JADE3: variants seen among roughly 807,000 people sequenced by gnomAD.
JADE3 encodes protein Jade-3.
A neutral mutation model predicts 50.1 loss-of-function variants in JADE3; 2 were observed. The observed-to-expected ratio is 0.04, with a 90% confidence interval of 0.02 to 0.13. The LOEUF is 0.13. Ranked by LOEUF, JADE3 falls within the 10% of genes least tolerant of loss-of-function variation. JADE3 has a pLI of 1.00. For synonymous variants in JADE3, 218 were observed against 232.9 expected, an observed-to-expected ratio of 0.94 and a Z score of 0.58; for missense variants, 475 against 634.4, an observed-to-expected ratio of 0.75 and a Z score of 2.70.
At chrX:47,003,370 C>G (rs1279579235) in intron 4 of JADE3, among the ~76,000 whole-genome samples, 2 of 109,432 alleles carry the variant, frequency 1.8e-5, no homozygotes, top group African/African-American at 6.6e-5. Flanking sequence ...TTAATTACCT[C>G]CTGTAGGCCT....
At chrX:46,985,097 A>G (rs904353495) in intron 2 of JADE3, among the ~76,000 whole-genome samples, 157 bp downstream of exon 2, 1 of 112,096 alleles carries the variant, frequency 8.9e-6, no homozygotes, top group African/African-American at 3.2e-5. Flanking sequence ...TTTAAATTTC[A>G]TTAGAGATAG....
At chrX:46,952,035 A>T (rs1470192815) in intron 1 of JADE3, among the ~76,000 whole-genome samples, 1 of 111,377 alleles carries the variant, frequency 9.0e-6, no homozygotes, top group Non-Finnish European at 1.9e-5. Context: ...GGTAGCTGAA[A>T]CTATAGGTGC....
At chrX:46,925,264 T>C (rs1380988526) in intron 1 of JADE3, among the ~76,000 whole-genome samples, 2 of 112,389 alleles carry the variant, frequency 1.8e-5, no homozygotes, top group African/African-American at 6.5e-5. Flanking sequence ...TGTTTGACTG[T>C]AGAAATTGCT....
At chrX:47,049,744 CTCT>C (rs1393493826) in intron 8 of JADE3, among the ~76,000 whole-genome samples, 5 of 102,708 alleles carry the variant, frequency 4.9e-5, no homozygotes, top group Non-Finnish European at 7.9e-5. Flanking sequence ...CTGCGCCTGG[CTCT>C]TCTTCTTCTT....
At chrX:46,975,714 CTTTTTTTTTTTTT>C (rs782578317) in intron 1 of JADE3, among the ~76,000 whole-genome samples, 2 of 40,524 alleles carry the variant, frequency 4.9e-5, no homozygotes, top group Admixed American at 4.6e-4. Flanking sequence ...TTTTCTTTTT[CTTTTTTTTTTTTT>C]TTTTTTTTTT....
At chrX:46,924,101 C>T (rs1326472447) in intron 1 of JADE3, among the ~76,000 whole-genome samples, 4 of 111,691 alleles carry the variant, frequency 3.6e-5, no homozygotes, top group African/African-American at 1.3e-4. Flanking sequence ...GCCTTTTTTT[C>T]TGTATTGGGG....
intron 4 of JADE3, among the ~76,000 whole-genome samples, chrX:47,018,570 G>A (rs1016869650): frequency 8.1e-5 from 9 of 111,508 alleles, no homozygotes; most frequent in Non-Finnish European, 1.7e-4. Flanking sequence ...TCCTGACCTC[G>A]TGATCCACCC....
Position 46,939,064 on chromosome X carries a change from T to A in JADE3, c.-12+26345T>A, listed in dbSNP as rs781948409. On this transcript the variant is annotated intron_variant, in intron 1 of 10. Coordinates refer to ENST00000614628, the MANE Select transcript of JADE3 (RefSeq NM_014735.5). ...CTGGTCTCAAACTCCTGACCTCAAG[T>A]GATCCACTCACCTTGGCCTCCCAAA... 3.6e-5 allele frequency among the ~76,000 whole-genome samples: 4 copies of A among 112,301 alleles called. No homozygotes were observed. The East Asian group carries it at 1.1e-3, about 31-fold the overall frequency.
chrX:46,927,371 C>T (rs554966950), intron 1 of JADE3, among the ~76,000 whole-genome samples: 7 of 111,754 alleles, frequency 6.3e-5, no homozygotes, highest in South Asian at 7.6e-4. Context: ...ATAAGTGTGG[C>T]GTGTTTGGTA....
At chrX:46,934,519 C>T (rs911441375) in intron 1 of JADE3, among the ~76,000 whole-genome samples, 2 of 111,314 alleles carry the variant, frequency 1.8e-5, no homozygotes, top group Non-Finnish European at 3.8e-5. Context: ...AGGATGGTCT[C>T]GATCTCCTGA....
At chrX:47,035,653 TGTTA>T (rs1394062417) in intron 7 of JADE3, among the ~76,000 whole-genome samples, 1 of 111,478 alleles carries the variant, frequency 9.0e-6, no homozygotes, top group African/African-American at 3.3e-5. Flanking sequence ...ACTCAAGATC[TGTTA>T]GTTTCCTGAT....
intron 1 of JADE3, among the ~76,000 whole-genome samples, chrX:46,918,255 T>A (rs896742158): frequency 8.9e-6 from 1 of 111,821 alleles, no homozygotes; most frequent in Non-Finnish European, 1.9e-5. Flanking sequence ...CCTGGAAACC[T>A]GAGTTGTTGT....
chrX:47,023,703 C>T (rs1928845796), intron 4 of JADE3, among the ~76,000 whole-genome samples: 1 of 111,481 alleles, frequency 9.0e-6, no homozygotes, highest in African/African-American at 3.3e-5. Flanking sequence ...GTCAGGAGTT[C>T]GAGACCAGCC....
intron 3 of JADE3, among the ~76,000 whole-genome samples, chrX:46,994,264 T>C (rs1471500025): frequency 8.9e-6 from 1 of 112,041 alleles, no homozygotes; most frequent in Non-Finnish European, 1.9e-5. Flanking sequence ...GAATTCATAG[T>C]GAGGCCTCCT....
chrX:47,025,484 G>A (rs782788170), intron 5 of JADE3, among the ~76,000 whole-genome samples: 28 of 112,027 alleles, frequency 2.5e-4, no homozygotes, highest in Admixed American at 9.5e-4. Context: ...CTACTTCCAC[G>A]GAGTTCTAGA....
intron 1 of JADE3, among the ~76,000 whole-genome samples, chrX:46,923,375 T>TTCTCTCTCTC (rs1235628426): frequency 1.7e-5 from 1 of 57,908 alleles, no homozygotes; most frequent in African/African-American, 5.0e-5. Flanking sequence ...GAGATTTCTT[T>TTCTCTCTCTC]TCTCTCTCTC....
chrX:47,032,458 C>A (rs1454504326), intron 6 of JADE3, among the ~76,000 whole-genome samples: 1 of 110,631 alleles, frequency 9.0e-6, no homozygotes, highest in Non-Finnish European at 1.9e-5. Flanking sequence ...AAAGGGCTTG[C>A]CACTGTACAA....
intron 1 of JADE3, among the ~76,000 whole-genome samples, chrX:46,960,469 G>T (rs782170762): frequency 2.7e-5 from 3 of 111,842 alleles, no homozygotes; most frequent in Non-Finnish European, 5.6e-5. Flanking sequence ...CAGTCAGAGG[G>T]TGCCTATGTG....
chrX:47,003,787 T>C (rs1433849693), intron 4 of JADE3, among the ~76,000 whole-genome samples: 1 of 100,805 alleles, frequency 9.9e-6, no homozygotes, highest in Non-Finnish European at 2.0e-5. Context: ...TTTATATATG[T>C]TTTATATATA....
Sources: gnomAD v4.1 joint callset for allele counts (sites outside exome capture counted in the v4.1 genomes callset) on GRCh38, gnomAD v4.1.1 for gene constraint, MANE v1.5 for transcripts, NCBI Gene and HGNC (gene_info 2026-07-23, HGNC 2026-07-21) for gene names.